TSC22D2: variants seen among roughly 807,000 people sequenced by gnomAD.
TSC22D2 encodes the protein TSC22 domain family member 2.
In TSC22D2, 5 loss-of-function variants were observed where a neutral mutation model predicts 50.1. That is an observed-to-expected ratio of 0.10 (90% CI 0.05 to 0.21). The LOEUF is 0.21. TSC22D2 is among the 10% of genes least tolerant of loss of function. TSC22D2 has a pLI of 1.00. For synonymous variants in TSC22D2, 501 were observed against 450.1 expected (o/e 1.11, Z -1.43); for missense variants, 1,003 against 1,015.5 (o/e 0.99, Z 0.17).
intron 1 of TSC22D2, among the ~76,000 whole-genome samples, chr3:150,440,360 G>T (rs554384229): frequency 6.6e-6 from 1 of 152,116 alleles, no homozygotes; most frequent in Non-Finnish European, 1.5e-5. Context: ...AATGTTGGAG[G>T]TTGCTTACTA....
At chr3:150,445,494 T>C (rs1471887144) in intron 1 of TSC22D2, among the ~76,000 whole-genome samples, 1 of 152,088 alleles carries the variant, frequency 6.6e-6, no homozygotes, top group Non-Finnish European at 1.5e-5. Context: ...GGGTGAAACA[T>C]AAATATAAAA....
intron 1 of TSC22D2, among the ~76,000 whole-genome samples, chr3:150,431,906 AAAT>A (rs1245243815): frequency 6.6e-6 from 1 of 152,156 alleles, no homozygotes; most frequent in Non-Finnish European, 1.5e-5. Flanking sequence ...GAGTTGGAAA[AAAT>A]AGTGTAATTT....
In TSC22D2 at chr3:150,410,665, C is replaced by T; in HGVS notation, c.1315C>T (p.Pro439Ser). ...TTCCCAGCCCAGCGAAGCCATGGCC[C>T]CCCGGACGGGACCAGCGCAAGGCGG... is the stretch of plus-strand genomic sequence containing the variant. ...ASSQPSEAMA[P>S]RTGPAQGGQV... is the part of the protein sequence containing the mutation. Residue 439 changes from proline (P) to serine (S), a missense_variant, in exon 1 of 3, where the codon CCC becomes TCC. By Grantham distance (74) the Pro-to-Ser change is moderately conservative. Transcript: ENST00000688009. 1 of 1,555,550 alleles carries T rather than the reference C, an allele frequency of 6.4e-7. No homozygotes were observed. The highest frequency in any genetic ancestry group is 8.7e-7 in the Non-Finnish European group (1 of 1,152,630).
chr3:150,412,997 T>TACAC (rs138812885), intron 1 of TSC22D2, among the ~76,000 whole-genome samples: 2 of 151,940 alleles, frequency 1.3e-5, no homozygotes, highest in Admixed American at 1.3e-4. Flanking sequence ...CCGCTTTCTA[T>TACAC]ACACACACAC....
rs1271403526 is a variant in TSC22D2 at position 150,459,748 on chromosome 3, A to G, written c.*1112A>G. 1.3e-5 allele frequency: 2 copies of G among 151,530 alleles called. No homozygotes were observed. Among genetic ancestry groups the G allele is most frequent in the South Asian group, 2.1e-4 (1 of 4,806 alleles). The allele number at this position is 151,530 out of a possible 1,614,324, so 9.4% of individuals were successfully genotyped here. On this transcript the variant is annotated 3_prime_UTR_variant, in exon 3 of 3. Transcript: ENST00000688009. ...CAGCACTCTTATTGTAATATGTACT[A>G]GTCTGTGAACAATGTCAAATAAAAG...
In TSC22D2 at chr3:150,411,078, C is replaced by CCAG. The variant is rs1353751807; in HGVS notation, c.1729_1730insAGC (p.Asp576_Leu577insGln). 1.9e-6 allele frequency: 3 copies of CCAG among 1,614,064 alleles called. No homozygotes were observed. The highest frequency in any genetic ancestry group is 2.5e-6 in the Non-Finnish European group (3 of 1,180,042). ...CACCAACAAGTCTACCACAGTCTGA[C>CCAG]CTAAGCCAGTTTCAAACTCAGACCC... On this transcript the variant is annotated inframe_insertion, in exon 1 of 3. Transcript: ENST00000688009.
At chr3:150,426,472 G>A (rs921410785) in intron 1 of TSC22D2, among the ~76,000 whole-genome samples, 33 of 152,124 alleles carry the variant, frequency 2.2e-4, no homozygotes, top group Admixed American at 2.0e-3. Flanking sequence ...CAAAAGCTCA[G>A]CGTAAGGGTT....
intron 1 of TSC22D2, among the ~76,000 whole-genome samples, chr3:150,432,871 AG>A (rs1218758880): frequency 6.6e-6 from 1 of 152,188 alleles, no homozygotes; most frequent in East Asian, 1.9e-4. Flanking sequence ...TAGAAGAAAG[AG>A]ATGACTGACT....
At chr3:150,428,001 C>G (rs1490550276) in intron 1 of TSC22D2, among the ~76,000 whole-genome samples, 1 of 152,100 alleles carries the variant, frequency 6.6e-6, no homozygotes, top group Non-Finnish European at 1.5e-5. Context: ...ATTAACTAAA[C>G]TACAGATCTT....
intron 1 of TSC22D2, among the ~76,000 whole-genome samples, chr3:150,443,119 G>A (rs1720771305): frequency 6.6e-6 from 1 of 152,142 alleles, no homozygotes; most frequent in Non-Finnish European, 1.5e-5. Context: ...CATGTCTACA[G>A]TGTTCCTTTC....
At chr3:150,446,891 C>T (rs1286927443) in intron 1 of TSC22D2, among the ~76,000 whole-genome samples, 2 of 152,134 alleles carry the variant, frequency 1.3e-5, no homozygotes, top group Non-Finnish European at 2.9e-5. Flanking sequence ...CAGTGACTAG[C>T]CTAATATAAT....
intron 1 of TSC22D2, among the ~76,000 whole-genome samples, chr3:150,432,436 T>C (rs1576549021): frequency 1.3e-5 from 2 of 152,024 alleles, no homozygotes; most frequent in African/African-American, 2.4e-5. Flanking sequence ...ATTCAATTCT[T>C]TTTTTTTCTT....
At chr3:150,455,506 GT>G (rs2108105294) in intron 1 of TSC22D2, among the ~76,000 whole-genome samples, 1 of 152,302 alleles carries the variant, frequency 6.6e-6, no homozygotes, top group East Asian at 1.9e-4. Flanking sequence ...AACAAACGTA[GT>G]TTCCCATGTA....
Position 150,458,767 on chromosome 3 carries a change from C to T in TSC22D2, c.*131C>T. On this transcript the variant is annotated 3_prime_UTR_variant, in exon 3 of 3. Transcript: ENST00000688009. Reference sequence around the variant, plus strand: ...TGTGTTTGGCCTTTTCAGTATTAGACAATCATTCTACAAGAGCTTTTCCTC... The same window carrying T: ...TGTGTTTGGCCTTTTCAGTATTAGATAATCATTCTACAAGAGCTTTTCCTC... 8.5e-7 allele frequency: 1 copy of T among 1,171,684 alleles called. No homozygotes were observed. Among genetic ancestry groups the T allele is most frequent in the Non-Finnish European group, 1.2e-6 (1 of 835,024 alleles). The allele number at this position is 1,171,684 out of a possible 1,614,324, so 72.6% of individuals were successfully genotyped here.
Position 150,458,528 on chromosome 3 carries a change from C to T in TSC22D2, c.2163C>T (p.Leu721=). 6.2e-7 allele frequency: 1 copy of T among 1,614,176 alleles called. No individual in the cohort carries two copies. Among genetic ancestry groups the T allele is most frequent in the Non-Finnish European group, 8.5e-7 (1 of 1,180,028 alleles). ...CAAGCAATGATCAATTATCCCAACT[C>T]CCAACCCAACAGGCCAATCCTGGTA... The part of the protein sequence containing the change: ...SLSSNDQLSQ[L]PTQQANPGST... Residue 721 remains leucine (L), a synonymous_variant, in exon 3 of 3, where the codon CTC becomes CTT. Coordinates refer to ENST00000688009, the MANE Select transcript of TSC22D2 (RefSeq NM_001303264.2).
chr3:150,445,350 A>G (rs1720849286), intron 1 of TSC22D2, among the ~76,000 whole-genome samples: 1 of 144,336 alleles, frequency 6.9e-6, no homozygotes, highest in East Asian at 2.0e-4. Context: ...TAATAATAAT[A>G]ATAATAATAA....
intron 1 of TSC22D2, among the ~76,000 whole-genome samples, chr3:150,448,906 TA>T (rs1353944994): frequency 2.0e-5 from 3 of 151,228 alleles, no homozygotes; most frequent in Non-Finnish European, 2.9e-5. Flanking sequence ...AATTAGGGGA[TA>T]AATTTTTAAT....
At chr3:150,433,758 A>G (rs1054648485) in intron 1 of TSC22D2, among the ~76,000 whole-genome samples, 4 of 152,258 alleles carry the variant, frequency 2.6e-5, no homozygotes, top group South Asian at 2.1e-4. Flanking sequence ...TTCAAAAAGC[A>G]TAATATATTA....
At chr3:150,432,849 G>A (rs1273738736) in intron 1 of TSC22D2, among the ~76,000 whole-genome samples, 2 of 152,088 alleles carry the variant, frequency 1.3e-5, no homozygotes, top group Non-Finnish European at 2.9e-5. Flanking sequence ...GATTTGGGGT[G>A]GTAGGTAGAG....
Sources: gnomAD v4.1 joint callset for allele counts (sites outside exome capture counted in the v4.1 genomes callset) on GRCh38, gnomAD v4.1.1 for gene constraint, MANE v1.5 for transcripts, NCBI Gene and HGNC (gene_info 2026-07-23, HGNC 2026-07-21) for gene names.